FSIP2: variants seen among roughly 807,000 people sequenced by gnomAD.
FSIP2 encodes fibrous sheath-interacting protein 2.
Under a neutral mutation model 510.5 loss-of-function variants are expected in FSIP2, and 367 were observed. The ratio of observed to expected loss-of-function variants is 0.72; its 90% CI spans 0.66 to 0.78. The LOEUF is 0.78. Ranked by LOEUF, FSIP2 falls within the 30% of genes least tolerant of loss-of-function variation. FSIP2 has a pLI of 0.00. For synonymous variants in FSIP2, 2,601 were observed against 2,732.2 expected, an observed-to-expected ratio of 0.95 and a Z score of 1.50; for missense variants, 7,594 against 7,901.7, an observed-to-expected ratio of 0.96 and a Z score of 1.48.
intron 13 of FSIP2, among the ~76,000 whole-genome samples, chr2:185,775,502 C>T (rs944179687): frequency 9.9e-5 from 15 of 151,272 alleles, no homozygotes; most frequent in African/African-American, 3.2e-4. Flanking sequence ...GAGTAGGTTG[C>T]GAAAATTTTC....
intron 13 of FSIP2, among the ~76,000 whole-genome samples, chr2:185,772,362 G>A (rs915316527): frequency 5.9e-5 from 9 of 152,130 alleles, no homozygotes; most frequent in African/African-American, 2.2e-4. Context: ...TGCTATAAAG[G>A]AATACCTGAG....
intron 13 of FSIP2, among the ~76,000 whole-genome samples, chr2:185,772,246 T>C (rs1381217994): frequency 6.6e-6 from 1 of 152,304 alleles, no homozygotes; most frequent in East Asian, 1.9e-4. Context: ...CTCAAACTTT[T>C]CTTATCTCTC....
chr2:185,762,877 A>G (rs750965860), intron 11 of FSIP2, among the ~76,000 whole-genome samples: 15 of 151,592 alleles, frequency 9.9e-5, no homozygotes, highest in South Asian at 4.1e-4. Context: ...AAATGCAAAA[A>G]GTTAATTCTA....
At position 185,804,569 on chromosome 2, in the gene FSIP2, C is replaced by A; in HGVS notation, c.15263C>A (p.Ala5088Asp). 1 of 1,531,948 alleles carries A rather than the reference C, an allele frequency of 6.5e-7. No homozygotes were observed. Among genetic ancestry groups the A allele is most frequent in the Non-Finnish European group, 8.7e-7 (1 of 1,144,456 alleles). The allele number at this position is 1,531,948 out of a possible 1,614,324, so 94.9% of individuals were successfully genotyped here. A position where few individuals can be genotyped will look rare whatever the true frequency, so the allele number is the denominator to read the frequency against. Residue 5088 changes from alanine to aspartate, a missense_variant, in exon 17 of 23, where the codon GCT becomes GAT. Physicochemically the swap from Ala to Asp is moderately radical, Grantham distance 126 (BLOSUM62 -2). Coordinates refer to ENST00000424728, the MANE Select transcript of FSIP2 (RefSeq NM_173651.4). ...TCTTCTTCTTATTCGTATCCCCAAG[C>A]TGATAATATCATCAGAAATGTGCTT... is the stretch of plus-strand genomic sequence containing the variant. ...LESSSYSYPQ[A>D]DNIIRNVLNI... is the part of the protein sequence containing the mutation.
In FSIP2 at chr2:185,808,697, G is replaced by T; in HGVS notation, c.19391G>T (p.Ser6464Ile). 1 of 1,611,282 alleles carries T rather than the reference G, an allele frequency of 6.2e-7. No individual in the cohort carries two copies. Among genetic ancestry groups the T allele is most frequent in the Non-Finnish European group, 8.5e-7 (1 of 1,178,574 alleles). ...AGTTTAATTATTGATGGAGTTTCAA[G>T]TTTTCCATTAGATACAATTAACTCA... ...VASLIIDGVSSFPLDTINSTI... is the reference protein window; with the variant it reads ...VASLIIDGVSIFPLDTINSTI... The change falls in exon 17 of 23, where the codon AGT becomes ATT. Residue 6464 changes from serine (S) to isoleucine (I), a missense_variant. Coordinates refer to ENST00000424728, the MANE Select transcript of FSIP2 (RefSeq NM_173651.4).
intron 17 of FSIP2, among the ~76,000 whole-genome samples, chr2:185,811,069 GACAGCCTATTCTCAGATGCTTCTA>G: frequency 6.6e-6 from 1 of 152,028 alleles, no homozygotes; most frequent in East Asian, 1.9e-4. Flanking sequence ...GTGACATCTT[GACAGCCTATTCTCAGATGCTTCTA>G]ACAGCCTATT....
intron 9 of FSIP2, among the ~76,000 whole-genome samples, chr2:185,758,798 T>A (rs78190257): frequency 0.06 from 9,042 of 151,246 alleles, 679 homozygotes; most frequent in East Asian, 0.37. Flanking sequence ...TTTCTAAACA[T>A]TCTCTTCCAT....
chr2:185,738,857 G>A lies in FSIP2; in HGVS notation c.-38G>A, dbSNP rs1423891578. The A allele has an allele frequency of 2.5e-5, 38 of 1,528,746 alleles. No individual in the cohort carries two copies. The highest frequency in any genetic ancestry group is 3.3e-5 in the Non-Finnish European group (38 of 1,143,982). 94.7% of individuals were successfully genotyped at this position (1,528,746 alleles called of 1,614,324 possible). The stretch of plus-strand genomic sequence containing the variant: ...AACGGGGTGCTAGAGAAGGAGAGCG[G>A]GGCGGGTGAGGAAGGGGCTGAGGGG... On this transcript the variant is annotated 5_prime_UTR_variant, in exon 1 of 23. Coordinates refer to ENST00000424728, the MANE Select transcript of FSIP2 (RefSeq NM_173651.4).
intron 16 of FSIP2, chr2:185,797,796 C>T (rs1200609048): frequency 3.5e-5 from 11 of 311,358 alleles, no homozygotes; most frequent in Non-Finnish European, 5.4e-5. Context: ...TGAAGACATC[C>T]TCCCATCTCA....
chr2:185,808,641 T>TA lies in FSIP2; in HGVS notation c.19336dup (p.Thr6446AsnfsTer7). 6.2e-7 allele frequency: 1 copy of TA among 1,605,220 alleles called. No individual in the cohort carries two copies. The highest frequency in any genetic ancestry group is 8.5e-7 in the Non-Finnish European group (1 of 1,176,026). Reference sequence around the variant, plus strand: ...AAGAATTTTATTATGATATAAAAGATACAAATACAGCCTTTCCTAAAAAAG... The same window carrying TA: ...AAGAATTTTATTATGATATAAAAGATAACAAATACAGCCTTTCCTAAAAAAG... On this transcript the variant is annotated frameshift_variant, in exon 17 of 23. Transcript: ENST00000424728. LOFTEE classifies it high-confidence loss of function.
intron 7 of FSIP2, among the ~76,000 whole-genome samples, chr2:185,750,260 T>C (rs920352794): frequency 6.6e-6 from 1 of 151,660 alleles, no homozygotes; most frequent in Admixed American, 6.6e-5. Context: ...TTTATGGAAT[T>C]TATCAGTGAA....
At chr2:185,786,736 C>G in intron 15 of FSIP2, among the ~76,000 whole-genome samples, 1 of 151,740 alleles carries the variant, frequency 6.6e-6, no homozygotes, top group Admixed American at 6.6e-5. Flanking sequence ...TTGGAACAGG[C>G]AAAGATAAGA....
Position 185,799,854 on chromosome 2 carries a change from T to C in FSIP2, c.10548T>C (p.Asp3516=). The change falls in exon 17 of 23, where the codon GAT becomes GAC. Residue 3516 remains aspartate (D), a synonymous_variant. Transcript: ENST00000424728. ...VLYHLTSSIS[D]GTKKGREKEK... ...ACCATTTAACTTCGAGCATTTCTGA[T>C]GGCACCAAAAAGGGTAGAGAAAAAG... The C allele has an allele frequency of 6.5e-7, 1 of 1,533,192 alleles. No homozygotes were observed. Among genetic ancestry groups the C allele is most frequent in the Non-Finnish European group, 8.7e-7 (1 of 1,145,072 alleles). 95.0% of individuals were successfully genotyped at this position (1,533,192 alleles called of 1,614,324 possible).
rs982400888 is a variant in FSIP2 at position 185,793,689 on chromosome 2, T to G, written c.6553T>G (p.Leu2185Val). 3.5e-5 allele frequency: 54 copies of G among 1,534,716 alleles called. No individual in the cohort carries two copies. The highest frequency in any genetic ancestry group is 4.7e-5 in the Non-Finnish European group (54 of 1,145,896). ...INAKNPTSAR[L>V]PLTFCDTFPK... Reference sequence around the variant, plus strand: ...TGCAAAGAATCCTACTTCTGCAAGATTGCCCCTGACATTTTGTGATACGTT... The same window carrying G: ...TGCAAAGAATCCTACTTCTGCAAGAGTGCCCCTGACATTTTGTGATACGTT... Residue 2185 changes from leucine to valine, a missense_variant, in exon 16 of 23, where the codon TTG (leucine) becomes GTG (valine). Physicochemically the swap from Leu to Val is conservative, Grantham distance 32. Coordinates refer to ENST00000424728, the MANE Select transcript of FSIP2 (RefSeq NM_173651.4).
At chr2:185,758,621 T>C (rs1244703453) in intron 9 of FSIP2, among the ~76,000 whole-genome samples, 1 of 151,084 alleles carries the variant, frequency 6.6e-6, no homozygotes, top group Non-Finnish European at 1.5e-5. Flanking sequence ...CTCTGGCCAG[T>C]GGAAGCACCT....
Position 185,808,775 on chromosome 2 carries a change from A to G in FSIP2, c.19469A>G (p.Gln6490Arg). 1 of 1,612,574 alleles carries G rather than the reference A, an allele frequency of 6.2e-7. No homozygotes were observed. The highest frequency in any genetic ancestry group is 8.5e-7 in the Non-Finnish European group (1 of 1,179,396). Residue 6490 changes from glutamine (Q) to arginine (R), a missense_variant, in exon 17 of 23, where the codon CAA becomes CGA. By Grantham distance (43) the Gln-to-Arg change is conservative. Coordinates refer to ENST00000424728, the MANE Select transcript of FSIP2 (RefSeq NM_173651.4). ...SGELDVNRIV[Q>R]KAQEHAFNVI... is the part of the protein sequence containing the mutation. Reference sequence around the variant, plus strand: ...GAGCTAGACGTTAATAGAATTGTTCAAAAGGCCCAAGAACATGCTTTTAAT... The same window carrying G: ...GAGCTAGACGTTAATAGAATTGTTCGAAAGGCCCAAGAACATGCTTTTAAT...
At chr2:185,759,799 T>C (rs900392186) in intron 9 of FSIP2, among the ~76,000 whole-genome samples, 12 of 150,516 alleles carry the variant, frequency 8.0e-5, no homozygotes, top group Non-Finnish European at 1.3e-4. Flanking sequence ...GTGTATGAGA[T>C]AGAAAATGTT....
Position 185,795,323 on chromosome 2 carries a change from A to T in FSIP2, c.8187A>T (p.Lys2729Asn). 1 of 1,535,018 alleles carries T rather than the reference A, an allele frequency of 6.5e-7. No individual in the cohort carries two copies. The highest frequency in any genetic ancestry group is 8.7e-7 in the Non-Finnish European group (1 of 1,146,208). Residue 2729 changes from lysine to asparagine, a missense_variant, in exon 16 of 23, where the codon AAA (lysine) becomes AAT (asparagine). Transcript: ENST00000424728. ...AGDAKNLLDT[K>N]LPTSELKIYA... The stretch of plus-strand genomic sequence containing the variant: ...ATGCCAAAAATTTACTGGACACAAA[A>T]TTGCCCACTTCAGAACTAAAAATAT...
At chr2:185,774,277 G>T (rs1010497266) in intron 13 of FSIP2, among the ~76,000 whole-genome samples, 1 of 151,884 alleles carries the variant, frequency 6.6e-6, no homozygotes, top group Non-Finnish European at 1.5e-5. Context: ...TATTTTCCTG[G>T]TATTATTCTC....
Sources: gnomAD v4.1 joint callset for allele counts (sites outside exome capture counted in the v4.1 genomes callset) on GRCh38, gnomAD v4.1.1 for gene constraint, MANE v1.5 for transcripts, NCBI Gene and HGNC (gene_info 2026-07-23, HGNC 2026-07-21) for gene names.